Variants in ZFPM2 observed in about 807,000 individuals in gnomAD.
ZFPM2 encodes zinc finger protein ZFPM2.
Under a neutral mutation model 98.6 loss-of-function variants are expected in ZFPM2, and 20 were observed. The ratio of observed to expected loss-of-function variants is 0.20; its 90% CI spans 0.14 to 0.29. The LOEUF is 0.29. Ranked by LOEUF, ZFPM2 falls within the 10% of genes least tolerant of loss-of-function variation. The pLI is 1.00. For missense variants in ZFPM2, 1,310 were observed against 1,388.6 expected (o/e 0.94, Z 0.90); for synonymous variants, 518 against 502.7 (o/e 1.03, Z -0.41).
chr8:105,666,045 CAT>C (rs1335873018), intron 5 of ZFPM2, among the ~76,000 whole-genome samples: 1 of 147,646 alleles, frequency 6.8e-6, no homozygotes, highest in Non-Finnish European at 1.5e-5. Flanking sequence ...TTATTTGAAT[CAT>C]TGATATTATT....
chr8:105,765,469 A>C (rs1019127240), intron 5 of ZFPM2, among the ~76,000 whole-genome samples: 1 of 151,796 alleles, frequency 6.6e-6, no homozygotes, highest in Non-Finnish European at 1.5e-5. Flanking sequence ...CTAGAGTTCC[A>C]GTCGCTTTAT....
At chr8:105,493,631 G>T (rs557510159) in intron 3 of ZFPM2, among the ~76,000 whole-genome samples, 87 of 152,250 alleles carry the variant, frequency 5.7e-4, no homozygotes, top group African/African-American at 2.0e-3. Context: ...CTTGCCAGTT[G>T]TAGCACTCTG....
intron 1 of ZFPM2, among the ~76,000 whole-genome samples, chr8:105,325,012 C>T (rs572438211): frequency 1.3e-5 from 2 of 151,964 alleles, no homozygotes; most frequent in East Asian, 3.9e-4. Flanking sequence ...TTCTTATCCT[C>T]CAAGTCATAT....
intron 5 of ZFPM2, among the ~76,000 whole-genome samples, chr8:105,651,076 A>T (rs573051351): frequency 3.1e-4 from 47 of 152,216 alleles, no homozygotes; most frequent in Middle Eastern, 6.8e-3. Flanking sequence ...AGTTTTCATT[A>T]TGTGGGGCTT....
At chr8:105,401,805 T>C (rs2129985910) in intron 1 of ZFPM2, among the ~76,000 whole-genome samples, 1 of 152,288 alleles carries the variant, frequency 6.6e-6, no homozygotes, top group African/African-American at 2.4e-5. Flanking sequence ...TTATATTTAA[T>C]TTCCAATTAC....
chr8:105,339,832 CT>C (rs1812394470), intron 1 of ZFPM2, among the ~76,000 whole-genome samples: 1 of 151,880 alleles, frequency 6.6e-6, no homozygotes, highest in African/African-American at 2.4e-5. Flanking sequence ...AAACAATATT[CT>C]TTTAGTCCAA....
chr8:105,364,141 T>C (rs1177080238), intron 1 of ZFPM2, among the ~76,000 whole-genome samples: 1 of 152,032 alleles, frequency 6.6e-6, no homozygotes, highest in African/African-American at 2.4e-5. Flanking sequence ...TATTCAGAAG[T>C]TGGGGAGACT....
At chr8:105,721,870 C>G (rs1026147517) in intron 5 of ZFPM2, among the ~76,000 whole-genome samples, 1 of 151,900 alleles carries the variant, frequency 6.6e-6, no homozygotes, top group Admixed American at 6.6e-5. Context: ...AGTATGGTAG[C>G]CACTTGCCAC....
intron 1 of ZFPM2, among the ~76,000 whole-genome samples, chr8:105,391,106 T>C (rs185883959): frequency 1.3e-5 from 2 of 152,326 alleles, no homozygotes; most frequent in East Asian, 3.9e-4. Context: ...TATGCAGATA[T>C]TGCATTTTAT....
chr8:105,657,390 C>T (rs552982222), intron 5 of ZFPM2, among the ~76,000 whole-genome samples: 33 of 152,282 alleles, frequency 2.2e-4, no homozygotes, highest in African/African-American at 6.5e-4. Context: ...CCATCCGCCT[C>T]GGCCTCCCAA....
At chr8:105,417,937 A>T (rs1050576004) in intron 1 of ZFPM2, among the ~76,000 whole-genome samples, 1 of 152,266 alleles carries the variant, frequency 6.6e-6, no homozygotes, top group Admixed American at 6.5e-5. Context: ...TTTTAGTTGG[A>T]TGTCCCTTCA....
intron 5 of ZFPM2, among the ~76,000 whole-genome samples, chr8:105,788,055 T>C (rs114527890): frequency 6.6e-6 from 1 of 152,310 alleles, no homozygotes; most frequent in African/African-American, 2.4e-5. Context: ...TTTTGGCATA[T>C]CTTCATTTCA....
chr8:105,552,982 A>G (rs1814899380), intron 3 of ZFPM2, among the ~76,000 whole-genome samples: 1 of 150,856 alleles, frequency 6.6e-6, no homozygotes, highest in Non-Finnish European at 1.5e-5. Context: ...GCTAATTTTT[A>G]TATTTTTTTG....
chr8:105,663,391 A>G (rs1025514893), intron 5 of ZFPM2, among the ~76,000 whole-genome samples: 3 of 152,224 alleles, frequency 2.0e-5, no homozygotes, highest in African/African-American at 7.2e-5. Flanking sequence ...ATCATTTATA[A>G]AGATCACTTT....
intron 1 of ZFPM2, among the ~76,000 whole-genome samples, chr8:105,329,294 A>T (rs765539996): frequency 1.3e-5 from 2 of 151,830 alleles, no homozygotes; most frequent in Non-Finnish European, 2.9e-5. Context: ...AGTAATGTCG[A>T]GCTCCCACAA....
chr8:105,321,580 A>C (rs1812025933), intron 1 of ZFPM2, among the ~76,000 whole-genome samples: 1 of 152,230 alleles, frequency 6.6e-6, no homozygotes. Flanking sequence ...TTTAAAGGAC[A>C]AAAAGGTTGT....
intron 3 of ZFPM2, among the ~76,000 whole-genome samples, chr8:105,463,962 GA>G (rs1812749580): frequency 6.6e-6 from 1 of 152,032 alleles, no homozygotes; most frequent in African/African-American, 2.4e-5. Context: ...CCAGAATTAG[GA>G]AAGTACAAAA....
At chr8:105,435,833 G>C (rs894237596) in intron 2 of ZFPM2, among the ~76,000 whole-genome samples, 5 of 152,020 alleles carry the variant, frequency 3.3e-5, no homozygotes, top group African/African-American at 1.2e-4. Flanking sequence ...GTAATTCGAA[G>C]ATTTCATATT....
At chr8:105,442,899 G>T (rs1586376009) in intron 2 of ZFPM2, among the ~76,000 whole-genome samples, 1 of 149,176 alleles carries the variant, frequency 6.7e-6, no homozygotes, top group Admixed American at 6.7e-5. Context: ...GAAGTTCAGT[G>T]TTTTTTTTTT....
Sources: allele counts gnomAD v4.1 joint callset (sites outside exome capture counted in the v4.1 genomes callset), GRCh38; gene constraint gnomAD v4.1.1; transcripts MANE v1.5; gene names NCBI Gene and HGNC (gene_info 2026-07-23, HGNC 2026-07-21).